PDE4B: variants seen among roughly 807,000 people sequenced by gnomAD.
PDE4B encodes the protein phosphodiesterase 4B.
A neutral mutation model predicts 82.2 loss-of-function variants in PDE4B; 20 were observed. That is an observed-to-expected ratio of 0.24 (90% CI 0.17 to 0.35). PDE4B has a LOEUF of 0.35. Ranked by LOEUF, PDE4B falls within the 10% of genes least tolerant of loss-of-function variation. PDE4B has a pLI of 1.00. For synonymous variants in PDE4B, 320 were observed against 318.9 expected (o/e 1.00, Z -0.04); for missense variants, 655 against 907.2 (o/e 0.72, Z 3.57).
intron 3 of PDE4B, among the ~76,000 whole-genome samples, chr1:66,030,416 G>C (rs1022558789): frequency 6.6e-6 from 1 of 152,156 alleles, no homozygotes; most frequent in African/African-American, 2.4e-5. Flanking sequence ...AAAGGGCTTT[G>C]GTAGGATTAA....
At chr1:65,900,147 T>A (rs1049570074) in intron 1 of PDE4B, among the ~76,000 whole-genome samples, 3 of 152,028 alleles carry the variant, frequency 2.0e-5, no homozygotes, top group African/African-American at 7.2e-5. Context: ...TGTGATGAAA[T>A]GTAGGGGTCC....
intron 8 of PDE4B, among the ~76,000 whole-genome samples, chr1:66,339,756 C>T (rs6686444): frequency 0.05 from 7,661 of 151,962 alleles, 631 homozygotes; most frequent in African/African-American, 0.17. Flanking sequence ...GAATTCAACC[C>T]GTTAGCAGAA....
At chr1:65,916,735 T>A (rs1647164282) in intron 2 of PDE4B, among the ~76,000 whole-genome samples, 1 of 151,916 alleles carries the variant, frequency 6.6e-6, no homozygotes, top group South Asian at 2.1e-4. Context: ...GCCTCTAATT[T>A]ACACACATAG....
Position 66,148,667 on chromosome 1 carries a change from A to G in PDE4B, c.282-98793A>G, listed in dbSNP as rs1018263134. On this transcript the variant is annotated intron_variant, in intron 3 of 16. Transcript: ENST00000341517. Reference sequence around the variant, plus strand: ...TCTCCATGAGCATTCACTCTCTACTACCACCATCCTTAGCCCTAGGCAATA... The same window carrying G: ...TCTCCATGAGCATTCACTCTCTACTGCCACCATCCTTAGCCCTAGGCAATA... Among the ~76,000 whole-genome samples the G allele has an allele frequency of 2.0e-5, 3 of 152,070 alleles. No homozygotes were observed. The East Asian group carries it at 5.8e-4, about 29-fold the overall frequency.
chr1:66,199,565 G>C (rs1395383221), intron 3 of PDE4B, among the ~76,000 whole-genome samples: 1 of 151,968 alleles, frequency 6.6e-6, no homozygotes, highest in Non-Finnish European at 1.5e-5. Flanking sequence ...CATTTTGTAA[G>C]TTGCCTCCCA....
At chr1:65,903,640 T>C (rs1646996556) in intron 1 of PDE4B, among the ~76,000 whole-genome samples, 1 of 152,196 alleles carries the variant, frequency 6.6e-6, no homozygotes, top group Non-Finnish European at 1.5e-5. Context: ...AGTTTCTAAA[T>C]ATGAAGACAC....
chr1:65,845,529 A>G (rs192719267), intron 1 of PDE4B, among the ~76,000 whole-genome samples: 1 of 152,258 alleles, frequency 6.6e-6, no homozygotes, highest in East Asian at 1.9e-4. Flanking sequence ...TCTGGCTCTG[A>G]GATACCGTCA....
At chr1:66,210,171 G>GA (rs1265352092) in intron 3 of PDE4B, among the ~76,000 whole-genome samples, 1 of 152,138 alleles carries the variant, frequency 6.6e-6, no homozygotes, top group Non-Finnish European at 1.5e-5. Flanking sequence ...TGTGCACTGA[G>GA]AAAAATCCTC....
At chr1:65,893,502 T>C (rs1050109958) in intron 1 of PDE4B, among the ~76,000 whole-genome samples, 6 of 152,042 alleles carry the variant, frequency 3.9e-5, no homozygotes, top group African/African-American at 7.2e-5. Flanking sequence ...GAAAGAGATG[T>C]TGGCATGGAT....
intron 1 of PDE4B, among the ~76,000 whole-genome samples, chr1:65,885,853 C>T (rs542284967): frequency 2.0e-4 from 28 of 137,214 alleles, no homozygotes; most frequent in South Asian, 1.2e-3. Context: ...TAAAACTTAA[C>T]GTATAATAAT....
intron 3 of PDE4B, among the ~76,000 whole-genome samples, chr1:65,932,196 C>T (rs1386526830): frequency 6.6e-6 from 1 of 151,418 alleles, no homozygotes; most frequent in African/African-American, 2.4e-5. Flanking sequence ...ATCTAGCATG[C>T]AACTAGATGA....
intron 7 of PDE4B, among the ~76,000 whole-genome samples, chr1:66,270,357 A>T (rs1265500707): frequency 6.6e-6 from 1 of 152,246 alleles, no homozygotes; most frequent in Non-Finnish European, 1.5e-5. Context: ...GGTTCTGCCC[A>T]TAGCTTTACT....
chr1:66,141,924 CG>C (rs1308463859), intron 3 of PDE4B, among the ~76,000 whole-genome samples: 1 of 152,054 alleles, frequency 6.6e-6, no homozygotes, highest in Non-Finnish European at 1.5e-5. Context: ...AGTTCCAAAT[CG>C]AATATTACTT....
chr1:66,005,674 A>T (rs1369401029), intron 3 of PDE4B, among the ~76,000 whole-genome samples: 1 of 152,190 alleles, frequency 6.6e-6, no homozygotes, highest in Non-Finnish European at 1.5e-5. Flanking sequence ...GATCATGCCA[A>T]GTTTCTGGGT....
At chr1:65,896,506 A>T (rs1646912398) in intron 1 of PDE4B, among the ~76,000 whole-genome samples, 1 of 152,276 alleles carries the variant, frequency 6.6e-6, no homozygotes, top group African/African-American at 2.4e-5. Flanking sequence ...CAGTCTGTGT[A>T]ATGACAGTCT....
intron 3 of PDE4B, among the ~76,000 whole-genome samples, chr1:66,169,430 T>C (rs1465123792): frequency 6.6e-6 from 1 of 152,250 alleles, no homozygotes; most frequent in Non-Finnish European, 1.5e-5. Flanking sequence ...TTTCTTTGTG[T>C]AACATAGATA....
intron 7 of PDE4B, among the ~76,000 whole-genome samples, chr1:66,323,805 A>C (rs954651211): frequency 3.9e-5 from 6 of 152,172 alleles, no homozygotes; most frequent in Admixed American, 6.6e-5. Flanking sequence ...AATATGAACC[A>C]AGGCAGTCTA....
Position 66,372,882 on chromosome 1 carries a change from G to C in PDE4B, c.*204G>C. 1 of 558,108 alleles carries C rather than the reference G, an allele frequency of 1.8e-6. No homozygotes were observed. The highest frequency in any genetic ancestry group is 3.2e-6 in the Non-Finnish European group (1 of 314,974). 34.6% of individuals were successfully genotyped at this position (558,108 alleles called of 1,614,324 possible). The stretch of plus-strand genomic sequence containing the variant: ...CACGGTTGACTTGCCTTGATGGCAA[G>C]CTTGGTGGAGAGGGCTGAAGCTGTT... On this transcript the variant is annotated 3_prime_UTR_variant, in exon 17 of 17. Coordinates refer to ENST00000341517, the MANE Select transcript of PDE4B (RefSeq NM_002600.4).
intron 3 of PDE4B, among the ~76,000 whole-genome samples, chr1:65,931,328 G>A (rs751449604): frequency 6.6e-6 from 1 of 152,090 alleles, no homozygotes; most frequent in African/African-American, 2.4e-5. Context: ...ATAGCAATAC[G>A]AGAATGGCCT....
Sources: gnomAD v4.1 joint callset for allele counts (sites outside exome capture counted in the v4.1 genomes callset) on GRCh38, gnomAD v4.1.1 for gene constraint, MANE v1.5 for transcripts, NCBI Gene and HGNC (gene_info 2026-07-23, HGNC 2026-07-21) for gene names.